TRPC5: variants seen among roughly 807,000 people sequenced by gnomAD.
TRPC5 encodes short transient receptor potential channel 5.
TRPC5 carries 9 observed loss-of-function variants against 56.5 expected under a neutral mutation model. That is an observed-to-expected ratio of 0.16 (90% CI 0.10 to 0.28). TRPC5 has a LOEUF of 0.28. Among genes scored for constraint, TRPC5 ranks in the 10% least tolerant of loss-of-function variants. The pLI, the probability that TRPC5 is intolerant of heterozygous loss-of-function variation, is 1.00. For missense variants in TRPC5, 469 were observed against 748.9 expected, an observed-to-expected ratio of 0.63 and a Z score of 4.36; for synonymous variants, 282 against 278.5, an observed-to-expected ratio of 1.01 and a Z score of -0.13.
Position 111,770,488 on chromosome X carries a change from T to A in TRPC5, c.*5825A>T, listed in dbSNP as rs756138690. On this transcript the variant is annotated 3_prime_UTR_variant, in exon 11 of 11. Coordinates refer to ENST00000262839, the MANE Select transcript of TRPC5 (RefSeq NM_012471.3). ...TAAAGGAGAAATGATGATGCTAATG[T>A]TTTAATTAACCATTTTAAATTATAT... Among the ~76,000 whole-genome samples the A allele has an allele frequency of 6.7e-4, 75 of 112,398 alleles. No homozygotes were observed. Among genetic ancestry groups the A allele is most frequent in the Non-Finnish European group, 1.3e-3 (67 of 53,294 alleles).
At chrX:112,062,541 G>A (rs1234202859) in intron 1 of TRPC5, among the ~76,000 whole-genome samples, 1 of 112,017 alleles carries the variant, frequency 8.9e-6, no homozygotes, top group Non-Finnish European at 1.9e-5. Flanking sequence ...GGTAGAATTT[G>A]AGCTGGATCT....
intron 1 of TRPC5, among the ~76,000 whole-genome samples, chrX:111,993,167 T>G (rs936783944): frequency 9.2e-6 from 1 of 108,887 alleles, no homozygotes; most frequent in Non-Finnish European, 1.9e-5. Context: ...TTTTCTGTCC[T>G]TGTGATAGTT....
At chrX:111,963,186 T>A (rs1183000028) in intron 1 of TRPC5, among the ~76,000 whole-genome samples, 2 of 112,422 alleles carry the variant, frequency 1.8e-5, no homozygotes, top group African/African-American at 3.2e-5. Context: ...ATCCCGCACA[T>A]GGCTCAGAGG....
At chrX:111,834,523 T>A (rs530845973) in intron 7 of TRPC5, among the ~76,000 whole-genome samples, 3 of 111,249 alleles carry the variant, frequency 2.7e-5, no homozygotes, top group Non-Finnish European at 5.7e-5. Flanking sequence ...CAGAGGGAGA[T>A]GTTTGTAGTG....
chrX:111,847,468 GGT>G, intron 5 of TRPC5, 32 bp from the exon 6 acceptor site: 10 of 1,127,715 alleles, frequency 8.9e-6, no homozygotes, highest in South Asian at 4.1e-5. Flanking sequence ...CAAGATGAGG[GGT>G]ACAGTGAACA....
intron 1 of TRPC5, among the ~76,000 whole-genome samples, chrX:111,960,143 C>T (rs1427500308): frequency 1.1e-4 from 12 of 112,309 alleles, no homozygotes; most frequent in Non-Finnish European, 3.8e-5. Flanking sequence ...AAAACATTTT[C>T]ATCATTGTGG....
At chrX:111,956,466 A>G (rs1927239083) in intron 1 of TRPC5, among the ~76,000 whole-genome samples, 1 of 111,390 alleles carries the variant, frequency 9.0e-6, no homozygotes, top group African/African-American at 3.3e-5. Context: ...TATACCGGGC[A>G]CTATAATAGA....
intron 1 of TRPC5, among the ~76,000 whole-genome samples, chrX:112,075,433 C>A (rs6642986): frequency 0.11 from 12,276 of 111,467 alleles, 1,618 homozygotes; most frequent in African/African-American, 0.38. Flanking sequence ...ATTTAAAACC[C>A]CATATTTGTA....
At chrX:111,873,018 A>G (rs1355627896) in intron 3 of TRPC5, among the ~76,000 whole-genome samples, 2 of 112,486 alleles carry the variant, frequency 1.8e-5, no homozygotes, top group Non-Finnish European at 3.8e-5. Context: ...TGTATACCCA[A>G]AGGAAAATAA....
chrX:112,013,171 G>A (rs1231460759), intron 1 of TRPC5, among the ~76,000 whole-genome samples: 1 of 111,339 alleles, frequency 9.0e-6, no homozygotes, highest in Admixed American at 9.6e-5. Flanking sequence ...TTACTTTGGA[G>A]ACAGAGTCTC....
At chrX:112,008,289 T>G (rs768310245) in intron 1 of TRPC5, among the ~76,000 whole-genome samples, 1 of 111,823 alleles carries the variant, frequency 8.9e-6, no homozygotes, top group Non-Finnish European at 1.9e-5. Context: ...CTTATTGTAT[T>G]TTAGAAATAG....
intron 3 of TRPC5, among the ~76,000 whole-genome samples, chrX:111,878,645 G>A (rs1924068415): frequency 9.0e-6 from 1 of 111,389 alleles, no homozygotes; most frequent in Non-Finnish European, 1.9e-5. Flanking sequence ...CCCCTCAATC[G>A]TGACAACCAA....
chrX:111,807,233 G>A (rs767293233), intron 7 of TRPC5, among the ~76,000 whole-genome samples: 1 of 111,225 alleles, frequency 9.0e-6, no homozygotes, highest in African/African-American at 3.3e-5. Context: ...CTATTTTCTA[G>A]ATCTTGTAGG....
intron 3 of TRPC5, among the ~76,000 whole-genome samples, chrX:111,879,228 G>A (rs1924091274): frequency 8.9e-6 from 1 of 111,902 alleles, no homozygotes; most frequent in Non-Finnish European, 1.9e-5. Flanking sequence ...AGAGAGGGTT[G>A]TAAAAAAAAG....
At chrX:111,787,023 C>T (rs765307875) in intron 7 of TRPC5, among the ~76,000 whole-genome samples, 10 of 109,301 alleles carry the variant, frequency 9.1e-5, no homozygotes, top group East Asian at 8.6e-4. Flanking sequence ...GTTCCAGGTC[C>T]GGGACCTGAA....
At chrX:111,797,579 G>A (rs1921143487) in intron 7 of TRPC5, among the ~76,000 whole-genome samples, 1 of 112,018 alleles carries the variant, frequency 8.9e-6, no homozygotes, top group Non-Finnish European at 1.9e-5. Flanking sequence ...GTTATTTAAT[G>A]AATTAATAAA....
chrX:111,937,823 A>T (rs1486481873), intron 2 of TRPC5, among the ~76,000 whole-genome samples: 1 of 106,710 alleles, frequency 9.4e-6, no homozygotes, highest in Non-Finnish European at 1.9e-5. Flanking sequence ...TGACTTGGCC[A>T]TGCGGGCTCT....
At chrX:111,844,845 A>C (rs1322566199) in intron 6 of TRPC5, among the ~76,000 whole-genome samples, 1 of 111,184 alleles carries the variant, frequency 9.0e-6, no homozygotes, top group Non-Finnish European at 1.9e-5. Context: ...ATAAGCAGGT[A>C]CCAAACTTTC....
chrX:112,028,789 C>T (rs1159018812), intron 1 of TRPC5, among the ~76,000 whole-genome samples: 1 of 111,422 alleles, frequency 9.0e-6, no homozygotes, highest in African/African-American at 3.3e-5. Flanking sequence ...GGGTATATAC[C>T]CAGTAATGGG....
Sources: gnomAD v4.1 joint callset for allele counts (sites outside exome capture counted in the v4.1 genomes callset) on GRCh38, gnomAD v4.1.1 for gene constraint, MANE v1.5 for transcripts, NCBI Gene and HGNC (gene_info 2026-07-23, HGNC 2026-07-21) for gene names.